Variants in TM6SF1 observed in about 807,000 individuals in gnomAD.
The protein encoded by TM6SF1 is transmembrane 6 superfamily member 1.
A neutral mutation model predicts 47.1 loss-of-function variants in TM6SF1; 43 were observed. That is an observed-to-expected ratio of 0.91 (90% CI 0.72 to 1.18). The LOEUF (loss-of-function observed/expected upper bound fraction) is 1.18. Ranked by LOEUF, TM6SF1 falls within the 50% of genes most tolerant of loss-of-function variation. TM6SF1 has a pLI of 0.00. For synonymous variants in TM6SF1, 177 were observed against 166.3 expected (o/e 1.06, Z -0.49); for missense variants, 390 against 449.0 (o/e 0.87, Z 1.19).
chr15:83,127,500 A>G (rs1230297200), intron 9 of TM6SF1, 23 bp downstream of exon 9: 12 of 1,612,270 alleles, frequency 7.4e-6, no homozygotes, highest in Non-Finnish European at 1.0e-5. Flanking sequence ...TTCTGTTGAG[A>G]AGGTTTACTT....
At chr15:83,108,556 C>T (rs1400231304) in intron 1 of TM6SF1, among the ~76,000 whole-genome samples, 3 of 152,154 alleles carry the variant, frequency 2.0e-5, no homozygotes, top group African/African-American at 7.2e-5. Context: ...GCCCTGCCTC[C>T]CACTCCACTG....
At position 83,137,094 on chromosome 15, in the gene TM6SF1, G is replaced by C. The variant is rs1454961870; in HGVS notation, c.*422G>C. 6.6e-6 allele frequency: 1 copy of C among 152,514 alleles called. No homozygotes were observed. The highest frequency in any genetic ancestry group is 1.5e-5 in the Non-Finnish European group (1 of 68,298). The allele number at this position is 152,514 out of a possible 1,614,324, so 9.4% of individuals were successfully genotyped here. ...TAACTTTTGCAAATAAGATGAATAT[G>C]CTTCATTATTAAACTCAATATAAAA... is the stretch of plus-strand genomic sequence containing the variant. On this transcript the variant is annotated 3_prime_UTR_variant, in exon 10 of 10. Coordinates refer to ENST00000322019, the MANE Select transcript of TM6SF1 (RefSeq NM_023003.5).
intron 1 of TM6SF1, among the ~76,000 whole-genome samples, chr15:83,109,622 C>G (rs184729747): frequency 9.5e-4 from 144 of 152,284 alleles, no homozygotes; most frequent in African/African-American, 3.4e-3. Flanking sequence ...AGTGTCTGTT[C>G]CCTCCTTTCA....
At chr15:83,121,885 T>A (rs1315859399) in intron 4 of TM6SF1, 36 bp from the exon 5 acceptor site, 3 of 1,515,392 alleles carry the variant, frequency 2.0e-6, no homozygotes, top group South Asian at 1.2e-5. Flanking sequence ...AAGACAAACA[T>A]ACCAAGTCAA....
At chr15:83,113,157 T>A (rs970419532) in intron 2 of TM6SF1, 15 of 544,164 alleles carry the variant, frequency 2.8e-5, no homozygotes, top group African/African-American at 2.7e-4. Context: ...AACCCCAGCA[T>A]GCTTTGACCT....
chr15:83,126,686 T>G (rs759622324), intron 7 of TM6SF1, 69 bp from the exon 8 acceptor site: 94 of 1,294,228 alleles, frequency 7.3e-5, no homozygotes, highest in Non-Finnish European at 1.0e-4. Context: ...CTGGCACATT[T>G]AGCCTTATCA....
At chr15:83,122,717 T>C (rs754549144) in intron 5 of TM6SF1, 40 bp from the exon 6 acceptor site, 8 of 1,605,266 alleles carry the variant, frequency 5.0e-6, no homozygotes, top group Middle Eastern at 1.9e-4. Context: ...GTGTTAGATA[T>C]GCTTTTGGTA....
chr15:83,129,526 C>T (rs2036057455), intron 9 of TM6SF1: 1 of 152,180 alleles, frequency 6.6e-6, no homozygotes, highest in Non-Finnish European at 1.5e-5. Context: ...GAGGCTGAGG[C>T]TCAGTCCACC....
intron 7 of TM6SF1, 54 bp from the exon 8 acceptor site, chr15:83,126,701 A>G: frequency 6.8e-7 from 1 of 1,461,700 alleles, no homozygotes; most frequent in Non-Finnish European, 9.5e-7. Context: ...TTATCAGCAA[A>G]CCTAAGAACC....
intron 9 of TM6SF1, chr15:83,131,069 G>A (rs2036197833): frequency 1.3e-5 from 2 of 152,072 alleles, no homozygotes; most frequent in African/African-American, 4.8e-5. Flanking sequence ...TCCAGCCCAG[G>A]TGACAGAGAG....
chr15:83,131,056 C>CTCTCCA (rs2036196388), intron 9 of TM6SF1: 1 of 152,106 alleles, frequency 6.6e-6, no homozygotes, highest in South Asian at 2.1e-4. Context: ...TGTCACTGCA[C>CTCTCCA]TCTCCAGCCC....
chr15:83,114,579 T>G (rs2034483134), intron 2 of TM6SF1: 1 of 152,616 alleles, frequency 6.6e-6, no homozygotes, highest in Non-Finnish European at 1.5e-5. Flanking sequence ...TGGCCTTTTG[T>G]TCCTTCTGGG....
Position 83,107,973 on chromosome 15 carries a change from T to C in TM6SF1, c.92+201T>C. The C allele has an allele frequency of 3.7e-6, 4 of 1,092,892 alleles. No individual in the cohort carries two copies. The highest frequency in any genetic ancestry group is 4.7e-6 in the Non-Finnish European group (4 of 843,154). 67.7% of individuals were successfully genotyped at this position (1,092,892 alleles called of 1,614,324 possible). On this transcript the variant is annotated intron_variant, in intron 1 of 9. Transcript: ENST00000322019. The surrounding 1 kb of genome is among the most constrained non-coding windows in gnomAD (Gnocchi z 5.6). Reference sequence around the variant, plus strand: ...CGGGCCGGGTCTTGGAGCCGGGCCCTGAGGTGCCCAGGCTGGCGCATTTCG... The same window carrying C: ...CGGGCCGGGTCTTGGAGCCGGGCCCCGAGGTGCCCAGGCTGGCGCATTTCG...
chr15:83,131,345 TA>T (rs2036234109), intron 9 of TM6SF1: 2 of 151,604 alleles, frequency 1.3e-5, no homozygotes, highest in Admixed American at 1.3e-4. Flanking sequence ...AAATATTGAG[TA>T]GTGGCCAGGC....
At chr15:83,116,775 G>A (rs1023649294) in intron 3 of TM6SF1, among the ~76,000 whole-genome samples, 3 of 152,160 alleles carry the variant, frequency 2.0e-5, no homozygotes, top group African/African-American at 4.8e-5. Context: ...TTAGAGAATC[G>A]GAGTGGCTGG....
intron 4 of TM6SF1, among the ~76,000 whole-genome samples, chr15:83,120,719 C>T (rs995118243): frequency 3.3e-5 from 5 of 151,848 alleles, no homozygotes; most frequent in African/African-American, 1.2e-4. Flanking sequence ...TCACTATACC[C>T]GCAAATTTTG....
chr15:83,120,066 G>A (rs962055646), intron 4 of TM6SF1: 6 of 209,780 alleles, frequency 2.9e-5, no homozygotes, highest in African/African-American at 9.1e-5. Context: ...ACAGCTCTGC[G>A]GCTTGGCTCG....
rs200315449 is a variant in TM6SF1, at chr15:83,127,444, C to T, written c.888C>T (p.Asp296=). The T allele has an allele frequency of 4.0e-5, 65 of 1,613,876 alleles. No homozygotes were observed. The highest frequency in any genetic ancestry group is 2.0e-4 in the Admixed American group (12 of 60,012). ...TTCCTGGATGTTCCTGGATGCCTGA[C>T]ATCACATTGATACATGCTGGAGGTC... is the stretch of plus-strand genomic sequence containing the variant. ...LVVPGCSWMP[D]ITLIHAGGLA... Residue 296 remains aspartate (D), a synonymous_variant, in exon 9 of 10, where the codon GAC becomes GAT. Coordinates refer to ENST00000322019, the MANE Select transcript of TM6SF1 (RefSeq NM_023003.5).
Position 83,136,543 on chromosome 15 carries a change from T to C in TM6SF1, c.984T>C (p.Pro328=). ...HARTAYVYRV[P]EEAKILFLAL... is the part of the protein sequence containing the mutation. ...GAACTGCTTATGTCTACAGAGTCCC[T>C]GAAGAAGCAAAAATCCTTTTTTTAG... The change falls in exon 10 of 10, where the codon CCT becomes CCC. Residue 328 remains proline, a synonymous_variant. Coordinates refer to ENST00000322019, the MANE Select transcript of TM6SF1 (RefSeq NM_023003.5). 6.2e-7 allele frequency: 1 copy of C among 1,613,780 alleles called. No homozygotes were observed. The highest frequency in any genetic ancestry group is 8.5e-7 in the Non-Finnish European group (1 of 1,179,878).
Sources: allele counts gnomAD v4.1 joint callset (sites outside exome capture counted in the v4.1 genomes callset), GRCh38; gene constraint gnomAD v4.1.1; non-coding constraint Gnocchi (gnomAD v3.1); transcripts MANE v1.5; gene names NCBI Gene and HGNC (gene_info 2026-07-23, HGNC 2026-07-21).